Variants in PCDHA9 observed in about 807,000 individuals in gnomAD.
PCDHA9 encodes protocadherin alpha 9, also known as protocadherin alpha-9.
PCDHA9 carries 62 observed loss-of-function variants against 62.0 expected under a neutral mutation model. That is an observed-to-expected ratio of 1.00 (90% CI 0.81 to 1.23). PCDHA9 has a LOEUF of 1.23. Ranked by LOEUF, PCDHA9 falls within the 50% of genes most tolerant of loss-of-function variation. The pLI is 0.00. For missense variants in PCDHA9, 1,205 were observed against 1,249.8 expected (o/e 0.96, Z 0.54); for synonymous variants, 557 against 567.6 (o/e 0.98, Z 0.27).
intron 1 of PCDHA9, among the ~76,000 whole-genome samples, chr5:140,944,988 G>A (rs1554216650): frequency 6.6e-6 from 1 of 152,048 alleles, no homozygotes; most frequent in Non-Finnish European, 1.5e-5. Flanking sequence ...GTCTACTTCT[G>A]TAACGGTTGT....
chr5:140,937,260 A>G (rs1427466170), intron 1 of PCDHA9, among the ~76,000 whole-genome samples: 1 of 151,830 alleles, frequency 6.6e-6, no homozygotes, highest in Non-Finnish European at 1.5e-5. Flanking sequence ...GATGGTCTCG[A>G]TCTCCTGACC....
At chr5:140,868,895 G>C in intron 1 of PCDHA9, 2 of 777,188 alleles carry the variant, frequency 2.6e-6, no homozygotes, top group Non-Finnish European at 4.0e-6. Flanking sequence ...TAGGCGCAAG[G>C]TGTCGCTCTT....
chr5:140,876,486 G>A, intron 1 of PCDHA9: 1 of 1,614,014 alleles, frequency 6.2e-7, no homozygotes, highest in Non-Finnish European at 8.5e-7. Context: ...TGGTCCTGGT[G>A]GAAGTTCTGG....
chr5:140,911,974 A>C (rs1471523711), intron 1 of PCDHA9, among the ~76,000 whole-genome samples: 3 of 152,212 alleles, frequency 2.0e-5, no homozygotes, highest in African/African-American at 4.8e-5. Flanking sequence ...GTATTAACTC[A>C]CATGATCACA....
At chr5:140,863,489 C>A in intron 1 of PCDHA9, 1 of 450,994 alleles carries the variant, frequency 2.2e-6, no homozygotes, top group Non-Finnish European at 4.4e-6. Flanking sequence ...CCAAGGTCAA[C>A]ATTACGGCTT....
intron 1 of PCDHA9, among the ~76,000 whole-genome samples, chr5:140,951,868 G>A (rs1325001328): frequency 2.6e-5 from 4 of 152,132 alleles, no homozygotes; most frequent in African/African-American, 9.7e-5. Flanking sequence ...AGTCTCATCT[G>A]AGACAAGGCA....
rs782603246 is a variant in PCDHA9, at chr5:140,883,847, G to T, written c.2394+32958G>T. On this transcript the variant is annotated intron_variant, in intron 1 of 3. Transcript: ENST00000532602. ...CGCGCTGCAGCCGTTGGACCACGAGGAGCTGGAGCTGTTGCAGTTCCAGGT... is the reference window on the plus strand; with the variant it reads ...CGCGCTGCAGCCGTTGGACCACGAGTAGCTGGAGCTGTTGCAGTTCCAGGT... 4.3e-6 allele frequency: 7 copies of T among 1,612,760 alleles called. No individual in the cohort carries two copies. The East Asian group carries it at 1.3e-4, about 31-fold the overall frequency.
At chr5:140,927,236 T>A in intron 1 of PCDHA9, 3 of 1,614,120 alleles carry the variant, frequency 1.9e-6, no homozygotes, top group Non-Finnish European at 2.5e-6. Context: ...ATTCACGTCC[T>A]GGACACCAAT....
intron 3 of PCDHA9, among the ~76,000 whole-genome samples, chr5:140,989,753 A>G (rs1349273749): frequency 6.6e-6 from 1 of 152,224 alleles, no homozygotes; most frequent in Admixed American, 6.5e-5. Context: ...ATCTGGAGAA[A>G]CATATTCAGT....
chr5:140,978,526 A>G (rs1197468187), intron 1 of PCDHA9, among the ~76,000 whole-genome samples: 5 of 152,248 alleles, frequency 3.3e-5, no homozygotes, highest in Admixed American at 2.0e-4. Flanking sequence ...CAGCCAGGCC[A>G]GCAGAACTTG....
At chr5:140,932,113 T>G (rs2088043197) in intron 1 of PCDHA9, among the ~76,000 whole-genome samples, 1 of 151,918 alleles carries the variant, frequency 6.6e-6, no homozygotes, top group South Asian at 2.1e-4. Flanking sequence ...TATTTCCAAT[T>G]GATAATATTT....
chr5:140,916,227 C>T (rs1554197349), intron 1 of PCDHA9, among the ~76,000 whole-genome samples: 2 of 152,208 alleles, frequency 1.3e-5, no homozygotes, highest in African/African-American at 4.8e-5. Context: ...AATATGCTTT[C>T]CAGGAGCCAA....
intron 1 of PCDHA9, among the ~76,000 whole-genome samples, chr5:140,905,747 C>T (rs2072054792): frequency 2.0e-5 from 3 of 152,156 alleles, no homozygotes; most frequent in South Asian, 2.1e-4. Context: ...AGAGATCTTT[C>T]ACCTCCTTGG....
At chr5:140,992,261 G>A (rs1056414788) in intron 3 of PCDHA9, among the ~76,000 whole-genome samples, 1 of 152,172 alleles carries the variant, frequency 6.6e-6, no homozygotes, top group Non-Finnish European at 1.5e-5. Context: ...AAAGATGAAA[G>A]TTCTTTTCGT....
chr5:140,869,296 C>A, intron 1 of PCDHA9: 1 of 1,613,602 alleles, frequency 6.2e-7, no homozygotes, highest in Non-Finnish European at 8.5e-7. Flanking sequence ...GCGCCTGTTC[C>A]GGGTGGCGTC....
intron 1 of PCDHA9, chr5:140,861,630 G>A (rs2047000934): frequency 6.3e-6 from 2 of 317,346 alleles, no homozygotes; most frequent in Admixed American, 6.9e-5. Flanking sequence ...AGTGTTCTCA[G>A]CAACACAAAA....
chr5:141,009,595 C>G (rs781807814), intron 3 of PCDHA9, 32 bp from the exon 4 acceptor site: 1 of 1,604,124 alleles, frequency 6.2e-7, no homozygotes, highest in Non-Finnish European at 8.5e-7. Flanking sequence ...TGTGTTGACC[C>G]TGTTAATGAT....
chr5:140,988,268 G>A (rs1463795699), intron 3 of PCDHA9, among the ~76,000 whole-genome samples: 3 of 152,160 alleles, frequency 2.0e-5, no homozygotes, highest in Non-Finnish European at 4.4e-5. Context: ...AGTATCCTTC[G>A]CTGTCACCTG....
rs782314357 is a variant in PCDHA9 at position 140,927,486 on chromosome 5, C to G, written c.2395-51463C>G. The G allele has an allele frequency of 6.2e-6, 10 of 1,614,128 alleles. No individual in the cohort carries two copies. In the East Asian group the frequency reaches 2.2e-4, roughly 36 times the overall value. ...CACTGGATCGCGAACAGCGCGCCACCCACCTGCTGGTGCTTACAGCTCGGG... is the reference window on the plus strand; with the variant it reads ...CACTGGATCGCGAACAGCGCGCCACGCACCTGCTGGTGCTTACAGCTCGGG... On this transcript the variant is annotated intron_variant, in intron 1 of 3. Coordinates refer to ENST00000532602, the MANE Select transcript of PCDHA9 (RefSeq NM_031857.2).
Sources: allele counts gnomAD v4.1 joint callset (sites outside exome capture counted in the v4.1 genomes callset), GRCh38; gene constraint gnomAD v4.1.1; transcripts MANE v1.5; gene names NCBI Gene and HGNC (gene_info 2026-07-23, HGNC 2026-07-21).